Variants in KCNIP4 observed in about 807,000 individuals in gnomAD.
KCNIP4 encodes Kv channel-interacting protein 4.
KCNIP4 carries 12 observed loss-of-function variants against 34.0 expected under a neutral mutation model. The ratio of observed to expected loss-of-function variants is 0.35; its 90% confidence interval spans 0.23 to 0.57. The LOEUF (loss-of-function observed/expected upper bound fraction) is 0.57. KCNIP4 is among the 20% of genes least tolerant of loss of function. KCNIP4 has a pLI of 0.83. For synonymous variants in KCNIP4, 124 were observed against 102.2 expected (o/e 1.21, Z -1.29); for missense variants, 238 against 311.7 (o/e 0.76, Z 1.78).
At chr4:21,073,324 G>A (rs1577643164) in intron 1 of KCNIP4, among the ~76,000 whole-genome samples, 1 of 152,148 alleles carries the variant, frequency 6.6e-6, no homozygotes, top group East Asian at 1.9e-4. Flanking sequence ...ATTTCATTGA[G>A]CAGTGGTTTG....
At chr4:20,755,365 C>T (rs1213107722) in intron 4 of KCNIP4, among the ~76,000 whole-genome samples, 1 of 152,204 alleles carries the variant, frequency 6.6e-6, no homozygotes, top group East Asian at 1.9e-4. Flanking sequence ...ACAACTAATA[C>T]TTAAGTGCTG....
intron 1 of KCNIP4, among the ~76,000 whole-genome samples, chr4:21,915,420 A>T (rs890877324): frequency 6.6e-6 from 1 of 152,234 alleles, no homozygotes; most frequent in Admixed American, 6.5e-5. Context: ...TCTTTTTAAC[A>T]ACTCCAGTAG....
At chr4:21,394,291 T>C (rs1722795102) in intron 1 of KCNIP4, among the ~76,000 whole-genome samples, 1 of 152,162 alleles carries the variant, frequency 6.6e-6, no homozygotes, top group South Asian at 2.1e-4. Flanking sequence ...TCTACTATCC[T>C]GGCAATCTTT....
chr4:21,403,019 A>C (rs920177490), intron 1 of KCNIP4, among the ~76,000 whole-genome samples: 1 of 152,128 alleles, frequency 6.6e-6, no homozygotes, highest in Non-Finnish European at 1.5e-5. Flanking sequence ...TGTGGTCTAC[A>C]CCACTCTATT....
At chr4:21,754,248 T>C (rs542975584) in intron 1 of KCNIP4, among the ~76,000 whole-genome samples, 46 of 151,508 alleles carry the variant, frequency 3.0e-4, no homozygotes, top group Admixed American at 2.0e-3. Flanking sequence ...AAAATATCCA[T>C]CTCCAACTAC....
At chr4:21,928,950 A>C (rs529694949) in intron 1 of KCNIP4, among the ~76,000 whole-genome samples, 6 of 152,146 alleles carry the variant, frequency 3.9e-5, no homozygotes, top group African/African-American at 1.4e-4. Flanking sequence ...ACAACATCCC[A>C]TCTCTGCCCC....
At chr4:20,964,604 G>A (rs2149666009) in intron 1 of KCNIP4, among the ~76,000 whole-genome samples, 1 of 152,232 alleles carries the variant, frequency 6.6e-6, no homozygotes, top group African/African-American at 2.4e-5. Context: ...TTAAGCTTCT[G>A]TCACAAAAAT....
In KCNIP4 at chr4:21,209,940, G is replaced by C. The variant is rs141380122; in HGVS notation, c.62-327231C>G. Among the ~76,000 whole-genome samples, 499 of 152,236 alleles carry C rather than the reference G, an allele frequency of 3.3e-3. 4 individuals carry two copies. Among genetic ancestry groups the C allele is most frequent in the African/African-American group, 0.011 (463 of 41,552 alleles). The stretch of plus-strand genomic sequence containing the variant: ...TTTTATCTGTTTTTGACTATAAACA[G>C]AGCATTGTTCATGCTCAAATGCTTA... On this transcript the variant is annotated intron_variant, in intron 1 of 8. Transcript: ENST00000382152.
chr4:21,294,039 C>T (rs890100335), intron 1 of KCNIP4, among the ~76,000 whole-genome samples: 3 of 152,124 alleles, frequency 2.0e-5, no homozygotes, highest in Admixed American at 6.6e-5. Context: ...CAAGCATATA[C>T]TTTGTCATTT....
At chr4:21,647,740 G>T (rs1459141754) in intron 1 of KCNIP4, among the ~76,000 whole-genome samples, 1 of 150,798 alleles carries the variant, frequency 6.6e-6, no homozygotes, top group Non-Finnish European at 1.5e-5. Context: ...TCATTCTATT[G>T]TTCTCAACAT....
chr4:21,444,700 C>A (rs1255943466), intron 1 of KCNIP4, among the ~76,000 whole-genome samples: 2 of 152,162 alleles, frequency 1.3e-5, no homozygotes, highest in African/African-American at 2.4e-5. Flanking sequence ...GAAGCATTCC[C>A]TTTGAAAACT....
chr4:21,392,238 G>A (rs1722628761), intron 1 of KCNIP4, among the ~76,000 whole-genome samples: 1 of 152,184 alleles, frequency 6.6e-6, no homozygotes, highest in Admixed American at 6.6e-5. Flanking sequence ...TGGGAAGGTG[G>A]AAGTGCACAA....
At chr4:20,771,091 T>C (rs1755835947) in intron 3 of KCNIP4, among the ~76,000 whole-genome samples, 1 of 152,194 alleles carries the variant, frequency 6.6e-6, no homozygotes, top group African/African-American at 2.4e-5. Flanking sequence ...CCATTTCATA[T>C]AACGAGACTT....
chr4:21,260,447 T>C (rs1192319409), intron 1 of KCNIP4, among the ~76,000 whole-genome samples: 1 of 152,166 alleles, frequency 6.6e-6, no homozygotes, highest in African/African-American at 2.4e-5. Context: ...GATTTTTGAA[T>C]GACATGCCCA....
chr4:21,752,106 T>C (rs964629729), intron 1 of KCNIP4, among the ~76,000 whole-genome samples: 1 of 152,108 alleles, frequency 6.6e-6, no homozygotes, highest in Admixed American at 6.6e-5. Flanking sequence ...CTCCACTTTA[T>C]AAGGGAAGAG....
At chr4:21,519,341 G>GAGACAC (rs200922276) in intron 1 of KCNIP4, among the ~76,000 whole-genome samples, 1 of 113,400 alleles carries the variant, frequency 8.8e-6, no homozygotes. Context: ...GAGAGAGAGA[G>GAGACAC]ATACACACAC....
intron 1 of KCNIP4, among the ~76,000 whole-genome samples, chr4:21,027,987 A>G (rs1740695828): frequency 1.3e-5 from 2 of 152,156 alleles, no homozygotes; most frequent in South Asian, 4.1e-4. Context: ...ACATCTCACA[A>G]TCACTGTGTC....
chr4:21,402,348 A>T (rs1288011990), intron 1 of KCNIP4, among the ~76,000 whole-genome samples: 3 of 152,336 alleles, frequency 2.0e-5, no homozygotes, highest in Non-Finnish European at 4.4e-5. Flanking sequence ...TAGAAAAATG[A>T]GTCCGTGTAA....
chr4:21,310,335 C>T (rs1460674934), intron 1 of KCNIP4, among the ~76,000 whole-genome samples: 1 of 152,048 alleles, frequency 6.6e-6, no homozygotes, highest in Non-Finnish European at 1.5e-5. Flanking sequence ...CACACCCAGC[C>T]TTGCCAGAGA....
Sources: gnomAD v4.1 joint callset for allele counts (sites outside exome capture counted in the v4.1 genomes callset) on GRCh38, gnomAD v4.1.1 for gene constraint, MANE v1.5 for transcripts, NCBI Gene and HGNC (gene_info 2026-07-23, HGNC 2026-07-21) for gene names.